Variants in PRPSAP1 observed in about 807,000 individuals in gnomAD.
PRPSAP1 encodes the protein phosphoribosyl pyrophosphate synthetase associated protein 1.
A neutral mutation model predicts 39.4 loss-of-function variants in PRPSAP1; 31 were observed. That is an observed-to-expected ratio of 0.79 (90% CI 0.59 to 1.06). The LOEUF (loss-of-function observed/expected upper bound fraction) is 1.06. PRPSAP1 is among the 50% of genes least tolerant of loss of function. PRPSAP1 has a pLI of 0.00. For missense variants in PRPSAP1, 430 were observed against 511.6 expected, an observed-to-expected ratio of 0.84 and a Z score of 1.54; for synonymous variants, 212 against 192.6, an observed-to-expected ratio of 1.10 and a Z score of -0.83.
At chr17:76,336,709 G>A (rs977628591) in intron 3 of PRPSAP1, among the ~76,000 whole-genome samples, 2 of 140,628 alleles carry the variant, frequency 1.4e-5, no homozygotes, top group African/African-American at 5.4e-5. Flanking sequence ...TCCAGCCTGG[G>A]CAACAAGAGT....
chr17:76,345,982 G>A (rs2071496527), intron 2 of PRPSAP1: 1 of 469,934 alleles, frequency 2.1e-6, no homozygotes, highest in Admixed American at 2.3e-5. Flanking sequence ...CCACTGCAAA[G>A]AAGGGAGAGA....
chr17:76,330,896 T>C (rs1454351523), intron 4 of PRPSAP1, among the ~76,000 whole-genome samples: 1 of 152,216 alleles, frequency 6.6e-6, no homozygotes, highest in Non-Finnish European at 1.5e-5. Context: ...GTGGGAATTA[T>C]TGACTTTTGG....
At chr17:76,347,758 C>A (rs1033006113) in intron 2 of PRPSAP1, among the ~76,000 whole-genome samples, 8 of 151,976 alleles carry the variant, frequency 5.3e-5, no homozygotes, top group Admixed American at 2.0e-4. Context: ...GAGGCCATGG[C>A]GTCTGTTTTG....
Position 76,314,298 on chromosome 17 carries a change from C to T in PRPSAP1, c.782-407G>A, listed in dbSNP as rs1368163387. 1.4e-5 allele frequency: 3 copies of T among 215,276 alleles called. No homozygotes were observed. In the Admixed American group the frequency reaches 1.6e-4, roughly 12 times the overall value. 13.3% of individuals were successfully genotyped at this position (215,276 alleles called of 1,614,324 possible). A position where few individuals can be genotyped will look rare whatever the true frequency, so the allele number is the denominator to read the frequency against. ...GCAATGACGCGATCTTGGCTCACTGCAACCTCCGCCTCCCAGGTTCAAGCA... is the reference window on the plus strand; with the variant it reads ...GCAATGACGCGATCTTGGCTCACTGTAACCTCCGCCTCCCAGGTTCAAGCA... On this transcript the variant is annotated intron_variant, in intron 7 of 9. Coordinates refer to ENST00000446526, the MANE Select transcript of PRPSAP1 (RefSeq NM_002766.3).
At chr17:76,347,117 G>A (rs2071511799) in intron 2 of PRPSAP1, among the ~76,000 whole-genome samples, 1 of 151,880 alleles carries the variant, frequency 6.6e-6, no homozygotes, top group Non-Finnish European at 1.5e-5. Context: ...CAGCGCAGAA[G>A]GGGGTTTGGG....
chr17:76,334,302 C>G (rs1310656573), intron 3 of PRPSAP1, among the ~76,000 whole-genome samples: 1 of 152,206 alleles, frequency 6.6e-6, no homozygotes, highest in African/African-American at 2.4e-5. Context: ...TACACTGACA[C>G]GTAGGTGATG....
Position 76,330,686 on chromosome 17 carries a change from A to C in PRPSAP1, c.464-20T>G. 6.5e-7 allele frequency: 1 copy of C among 1,540,846 alleles called. No homozygotes were observed. On this transcript the variant is annotated intron_variant, in intron 4 of 9. Transcript: ENST00000446526. The stretch of plus-strand genomic sequence containing the variant: ...TTAAACCTGAAATTTTAAAACAAAA[A>C]ATTACAAAGTTCACCCCTACAGGTA...
At chr17:76,313,975 G>A in intron 7 of PRPSAP1, 84 bp from the exon 8 acceptor site, 2 of 1,464,300 alleles carry the variant, frequency 1.4e-6, no homozygotes, top group South Asian at 2.4e-5. Context: ...CCCTGGAAAT[G>A]GTGGCAAAAC....
intron 3 of PRPSAP1, chr17:76,337,252 A>T (rs1216689891): frequency 6.6e-6 from 1 of 152,150 alleles, no homozygotes; most frequent in East Asian, 1.9e-4. Context: ...AGAAAACCAC[A>T]TCCTATATTA....
At chr17:76,333,850 GCATTCATTCATT>G (rs58262193) in intron 3 of PRPSAP1, among the ~76,000 whole-genome samples, 1 of 151,280 alleles carries the variant, frequency 6.6e-6, no homozygotes, top group African/African-American at 2.4e-5. Context: ...TGTAGACTCT[GCATTCATTCATT>G]CATTCATTCA....
At position 76,322,929 on chromosome 17, in the gene PRPSAP1, G is replaced by C. The variant is rs575899882; in HGVS notation, c.781+5788C>G. On this transcript the variant is annotated intron_variant, in intron 7 of 9. Transcript: ENST00000446526. ...GGATCACCTGAGCCCAGGTGGTAGAGGCTGCAGTGAGCAGTGATCGCACCA... is the reference window on the plus strand; with the variant it reads ...GGATCACCTGAGCCCAGGTGGTAGACGCTGCAGTGAGCAGTGATCGCACCA... Among the ~76,000 whole-genome samples, 8 of 152,242 alleles carry C rather than the reference G, an allele frequency of 5.3e-5. No homozygotes were observed. The South Asian group carries it at 1.7e-3, about 32-fold the overall frequency.
At position 76,353,660 on chromosome 17, in the gene PRPSAP1, G is replaced by T; in HGVS notation, c.44C>A (p.Ser15Ter). Reference sequence around the variant, plus strand: ...GCGGGCGCGCGGGACGCGGAAAGCCGAGGACGCGGAGGGCGGGGGCAACAG... The same window carrying T: ...GCGGGCGCGCGGGACGCGGAAAGCCTAGGACGCGGAGGGCGGGGGCAACAG... The part of the protein sequence containing the change: ...LLLLPPPSAS[S>*]AFRVPRARPV... The change falls in exon 1 of 10, where the codon TCG (serine) becomes TAG (stop). Residue 15 changes from serine (S) to a stop codon, truncating the protein, a stop_gained. Coordinates refer to ENST00000446526, the MANE Select transcript of PRPSAP1 (RefSeq NM_002766.3). LOFTEE classifies it high-confidence loss of function. The T allele has an allele frequency of 6.6e-7, 1 of 1,526,588 alleles. No homozygotes were observed. 94.6% of individuals were successfully genotyped at this position (1,526,588 alleles called of 1,614,324 possible). A position where few individuals can be genotyped will look rare whatever the true frequency, so the allele number is the denominator to read the frequency against.
intron 6 of PRPSAP1, 200 bp from the exon 7 acceptor site, chr17:76,329,062 C>A: frequency 3.5e-6 from 2 of 563,880 alleles, no homozygotes; most frequent in Non-Finnish European, 5.7e-6. Context: ...GGGATTGTAT[C>A]TGATTCTAGA....
chr17:76,335,368 T>C (rs1440011763), intron 3 of PRPSAP1, among the ~76,000 whole-genome samples: 1 of 152,072 alleles, frequency 6.6e-6, no homozygotes, highest in African/African-American at 2.4e-5. Flanking sequence ...TTTTGTTTTG[T>C]TTTGGAGATG....
chr17:76,344,700 T>C lies in PRPSAP1; in HGVS notation c.261A>G (p.Gln87=), dbSNP rs778315604. ...GTATTGTCTGTATAATGAAAATATC[T>C]TGGCCACGAACAGATTCTTTTATTT... ...RVEIKESVRG[Q]DIFIIQTIPR... Residue 87 remains glutamine, a synonymous_variant, in exon 3 of 10, where the codon CAA becomes CAG. Coordinates refer to ENST00000446526, the MANE Select transcript of PRPSAP1 (RefSeq NM_002766.3). 4 of 1,583,422 alleles carry C rather than the reference T, an allele frequency of 2.5e-6. No individual in the cohort carries two copies. In the Admixed American group the frequency reaches 7.3e-5, roughly 29 times the overall value.
At position 76,332,251 on chromosome 17, in the gene PRPSAP1, G is replaced by A. The variant is rs368231308; in HGVS notation, c.463+12C>T. 2.0e-4 allele frequency: 321 copies of A among 1,612,956 alleles called. 2 individuals carry two copies. The African/African-American group carries it at 3.3e-3, about 17-fold the overall frequency. ...ATCATGCTGGAACCCCAGGGCCCCC[G>A]CGCACACTCACCTGCTTTCGCCAGC... On this transcript the variant is annotated intron_variant, in intron 4 of 9. Transcript: ENST00000446526.
intron 9 of PRPSAP1, 97 bp downstream of exon 9, chr17:76,312,771 CTA>C: frequency 6.9e-7 from 1 of 1,457,966 alleles, no homozygotes; most frequent in Non-Finnish European, 9.2e-7. Flanking sequence ...GCTAGAAAAG[CTA>C]TAGACAGATT....
In PRPSAP1 at chr17:76,313,838, G is replaced by C; in HGVS notation, c.835C>G (p.Arg279Gly). ...AACCATACCACGATGATTGCGATGC[G>C]GCCTCCAACATCTCCAACTACAGTT... Reference protein sequence around the residue: ...PITVVGDVGGRIAIIVDDIID... With the variant: ...PITVVGDVGGGIAIIVDDIID... Residue 279 changes from arginine (R) to glycine (G), a missense_variant, in exon 8 of 10, where the codon CGC becomes GGC. Arg to Gly is a moderately radical substitution (Grantham distance 125, BLOSUM62 -2). This residue lies in a region of PRPSAP1 where 278 missense variants were observed against 376.3 expected (regional missense o/e 0.74). Transcript: ENST00000446526. 6.2e-7 allele frequency: 1 copy of C among 1,614,040 alleles called. No homozygotes were observed. Among genetic ancestry groups the C allele is most frequent in the Non-Finnish European group, 8.5e-7 (1 of 1,180,024 alleles).
intron 2 of PRPSAP1, among the ~76,000 whole-genome samples, chr17:76,347,127 G>C (rs780933709): frequency 2.6e-5 from 4 of 151,790 alleles, no homozygotes; most frequent in Admixed American, 6.6e-5. Flanking sequence ...GGGGGTTTGG[G>C]AACATGGGAA....
Sources: gnomAD v4.1 joint callset for allele counts (sites outside exome capture counted in the v4.1 genomes callset) on GRCh38, gnomAD v4.1.1 for gene constraint, gnomAD v4.1.1 regional missense constraint, MANE v1.5 for transcripts, NCBI Gene and HGNC (gene_info 2026-07-23, HGNC 2026-07-21) for gene names.